The following PTCD2 variants were observed in gnomAD, a reference collection of about 807,000 sequenced individuals.
PTCD2 encodes the protein pentatricopeptide repeat-containing protein 2, mitochondrial.
PTCD2 carries 31 observed loss-of-function variants against 42.6 expected under a neutral mutation model. The observed-to-expected ratio is 0.73, with a 90% CI of 0.55 to 0.98. The LOEUF (loss-of-function observed/expected upper bound fraction) is 0.98. PTCD2 is among the 50% of genes least tolerant of loss of function. The pLI is 0.00. For missense variants in PTCD2, 476 were observed against 454.8 expected (o/e 1.05, Z -0.42); for synonymous variants, 183 against 170.9 (o/e 1.07, Z -0.55).
At chr5:72,349,666 C>A (rs909556486) in intron 8 of PTCD2, among the ~76,000 whole-genome samples, 2 of 152,070 alleles carry the variant, frequency 1.3e-5, no homozygotes, top group African/African-American at 4.8e-5. Flanking sequence ...GTTTTTCTTA[C>A]CAAAATTTCC....
chr5:72,333,352 G>C (rs1751542415), intron 4 of PTCD2, among the ~76,000 whole-genome samples: 1 of 152,096 alleles, frequency 6.6e-6, no homozygotes. Context: ...GCTCTTCATA[G>C]ACTTTACTAA....
intron 8 of PTCD2, among the ~76,000 whole-genome samples, chr5:72,348,556 A>G (rs1182036840): frequency 6.6e-6 from 1 of 152,224 alleles, no homozygotes; most frequent in Non-Finnish European, 1.5e-5. Flanking sequence ...GATCTCATCA[A>G]AACACATGTA....
intron 6 of PTCD2, 50 bp from the exon 7 acceptor site, chr5:72,338,572 T>A: frequency 1.1e-6 from 1 of 946,844 alleles, no homozygotes; most frequent in Non-Finnish European, 1.6e-6. Context: ...AATCATTTTA[T>A]TGAACTTAAA....
chr5:72,324,395 T>G (rs1306740256), intron 2 of PTCD2, among the ~76,000 whole-genome samples: 1 of 152,240 alleles, frequency 6.6e-6, no homozygotes, highest in Non-Finnish European at 1.5e-5. Flanking sequence ...GGCTCTCCCG[T>G]GATGGACTCC....
intron 2 of PTCD2, among the ~76,000 whole-genome samples, chr5:72,324,932 T>C (rs1270918339): frequency 1.3e-5 from 2 of 152,142 alleles, no homozygotes; most frequent in Non-Finnish European, 2.9e-5. Context: ...TGTTGTTTTT[T>C]TTTTTTCTGA....
At position 72,363,821 on chromosome 5, in the gene PTCD2, T is replaced by G. The variant is rs1183001742; in HGVS notation, c.*5394T>G. The G allele has an allele frequency of 1.3e-5, 2 of 152,182 alleles. No homozygotes were observed. Among genetic ancestry groups the G allele is most frequent in the Non-Finnish European group, 2.9e-5 (2 of 68,024 alleles). The allele number at this position is 152,182 out of a possible 1,614,324, so 9.4% of individuals were successfully genotyped here. A position where few individuals can be genotyped will look rare whatever the true frequency, so the allele number is the denominator to read the frequency against. Reference sequence around the variant, plus strand: ...TATACATAAAGAAATCCATACAAACTAAGGCCAATTGTGGCAAAACTACAT... The same window carrying G: ...TATACATAAAGAAATCCATACAAACGAAGGCCAATTGTGGCAAAACTACAT... On this transcript the variant is annotated 3_prime_UTR_variant, in exon 10 of 10. Coordinates refer to ENST00000380639, the MANE Select transcript of PTCD2 (RefSeq NM_024754.5).
At position 72,359,139 on chromosome 5, in the gene PTCD2, A is replaced by G. The variant is rs1753028814; in HGVS notation, c.*712A>G. The G allele has an allele frequency of 6.6e-6, 1 of 152,282 alleles. No individual in the cohort carries two copies. The highest frequency in any genetic ancestry group is 6.5e-5 in the Admixed American group (1 of 15,288). The allele number at this position is 152,282 out of a possible 1,614,324, so 9.4% of individuals were successfully genotyped here. On this transcript the variant is annotated 3_prime_UTR_variant, in exon 10 of 10. Coordinates refer to ENST00000380639, the MANE Select transcript of PTCD2 (RefSeq NM_024754.5). ...AATTTAAATGACTACTGCTTTGTTC[A>G]TGGGTAAGCCATGTGCTTTTCAAAA... is the stretch of plus-strand genomic sequence containing the variant.
chr5:72,335,398 G>A (rs956666927), intron 5 of PTCD2, among the ~76,000 whole-genome samples: 2 of 148,710 alleles, frequency 1.3e-5, no homozygotes, highest in East Asian at 3.9e-4. Flanking sequence ...GCAGTGAGCC[G>A]AGATTGCGCC....
chr5:72,367,661 A>G lies in PTCD2; in HGVS notation c.*9234A>G, dbSNP rs977968457. The G allele has an allele frequency of 5.9e-5, 9 of 152,326 alleles. No individual in the cohort carries two copies. Among genetic ancestry groups the G allele is most frequent in the Middle Eastern group, 3.4e-3 (1 of 294 alleles). 9.4% of individuals were successfully genotyped at this position (152,326 alleles called of 1,614,324 possible). On this transcript the variant is annotated 3_prime_UTR_variant, in exon 10 of 10. Coordinates refer to ENST00000380639, the MANE Select transcript of PTCD2 (RefSeq NM_024754.5). ...CACCTGGTTGATGGCCATTTGGTCA[A>G]ACACCTCTAGGAGTCTGGAGTTGAG... is the stretch of plus-strand genomic sequence containing the variant.
At chr5:72,340,762 G>A (rs541016702) in intron 7 of PTCD2, among the ~76,000 whole-genome samples, 2 of 151,076 alleles carry the variant, frequency 1.3e-5, no homozygotes, top group African/African-American at 4.9e-5. Context: ...CTTTTCTTGA[G>A]GTACTTTTAG....
chr5:72,345,720 A>G (rs1752325648), intron 8 of PTCD2, among the ~76,000 whole-genome samples: 1 of 152,202 alleles, frequency 6.6e-6, no homozygotes, highest in Admixed American at 6.6e-5. Context: ...AATAGTTGCT[A>G]TCTTTTTGTT....
chr5:72,329,662 A>G (rs1006010423), intron 3 of PTCD2, among the ~76,000 whole-genome samples: 1 of 147,398 alleles, frequency 6.8e-6, no homozygotes, highest in African/African-American at 2.5e-5. Context: ...ATAAAGATTT[A>G]TATGTTGAAG....
chr5:72,339,226 A>G (rs796729136), intron 7 of PTCD2, among the ~76,000 whole-genome samples: 3 of 152,204 alleles, frequency 2.0e-5, no homozygotes, highest in Non-Finnish European at 4.4e-5. Flanking sequence ...AGACCCAGAC[A>G]TAAGAGGGGA....
intron 3 of PTCD2, among the ~76,000 whole-genome samples, chr5:72,329,422 A>G (rs1751317946): frequency 6.6e-6 from 1 of 152,210 alleles, no homozygotes; most frequent in Admixed American, 6.5e-5. Flanking sequence ...TGTTTGGTTT[A>G]TTGAGGGATT....
intron 7 of PTCD2, among the ~76,000 whole-genome samples, chr5:72,341,034 G>A (rs533418593): frequency 6.7e-6 from 1 of 150,100 alleles, no homozygotes; most frequent in South Asian, 2.1e-4. Flanking sequence ...GCACGATTTC[G>A]GCTCACTGCA....
At chr5:72,338,165 T>C (rs1442777935) in intron 6 of PTCD2, among the ~76,000 whole-genome samples, 2 of 152,246 alleles carry the variant, frequency 1.3e-5, no homozygotes, top group Non-Finnish European at 2.9e-5. Flanking sequence ...TTTTATAATT[T>C]ATGTTCAAAT....
At chr5:72,343,798 A>G (rs1377526212) in intron 8 of PTCD2, among the ~76,000 whole-genome samples, 1 of 151,382 alleles carries the variant, frequency 6.6e-6, no homozygotes, top group Non-Finnish European at 1.5e-5. Context: ...TCCTGGACCA[A>G]TTATAAAAGA....
intron 8 of PTCD2, among the ~76,000 whole-genome samples, chr5:72,350,363 G>A (rs1390260573): frequency 1.3e-5 from 2 of 152,136 alleles, no homozygotes; most frequent in African/African-American, 2.4e-5. Flanking sequence ...CAGTTCCTGT[G>A]GGGAGACATG....
Position 72,359,339 on chromosome 5 carries a change from A to G in PTCD2, c.*912A>G, listed in dbSNP as rs1753037309. 1 of 152,142 alleles carries G rather than the reference A, an allele frequency of 6.6e-6. No individual in the cohort carries two copies. The highest frequency in any genetic ancestry group is 2.4e-5 in the African/African-American group (1 of 41,436). The allele number at this position is 152,142 out of a possible 1,614,324, so 9.4% of individuals were successfully genotyped here. ...TCATACTTATGGTCTCAAATATAGT[A>G]TGTGTTGAATTTTACCGTGTCTGGT... On this transcript the variant is annotated 3_prime_UTR_variant, in exon 10 of 10. Transcript: ENST00000380639.
Sources: allele counts gnomAD v4.1 joint callset (sites outside exome capture counted in the v4.1 genomes callset), GRCh38; gene constraint gnomAD v4.1.1; transcripts MANE v1.5; gene names NCBI Gene and HGNC (gene_info 2026-07-23, HGNC 2026-07-21).